Variants in NUP98 observed in about 807,000 individuals in gnomAD.
NUP98 encodes the protein nuclear pore complex protein Nup98-Nup96.
Under a neutral mutation model 191.9 loss-of-function variants are expected in NUP98, and 26 were observed. The observed-to-expected ratio is 0.14, with a 90% confidence interval of 0.10 to 0.19. The LOEUF (loss-of-function observed/expected upper bound fraction) is 0.19. Ranked by LOEUF, NUP98 falls within the 10% of genes least tolerant of loss-of-function variation. The pLI, the probability that NUP98 is intolerant of heterozygous loss-of-function variation, is 1.00. For missense variants in NUP98, 1,941 were observed against 2,178.8 expected, an observed-to-expected ratio of 0.89 and a Z score of 2.17; for synonymous variants, 808 against 778.4, an observed-to-expected ratio of 1.04 and a Z score of -0.63.
chr11:3,678,630 T>G (rs2133998372), intron 31 of NUP98, among the ~76,000 whole-genome samples: 1 of 152,284 alleles, frequency 6.6e-6, no homozygotes, highest in Non-Finnish European at 1.5e-5. Flanking sequence ...TAATATGGTT[T>G]GTTAGAAACA....
At chr11:3,768,314 G>A (rs61877632) in intron 8 of NUP98, among the ~76,000 whole-genome samples, 7,692 of 151,792 alleles carry the variant, frequency 0.051, 257 homozygotes, top group Middle Eastern at 0.099. Flanking sequence ...CCAGCTACTC[G>A]GGAGGCTGAG....
rs1310661916 is a variant in NUP98 at position 3,700,778 on chromosome 11, C to T, written c.3574G>A (p.Asp1192Asn). Residue 1192 changes from aspartate to asparagine, a missense_variant, in exon 24 of 33, where the codon GAT becomes AAT. Coordinates refer to ENST00000324932, the MANE Select transcript of NUP98 (RefSeq NM_016320.5). ...EKLSLRQRKP[D>N]EDMKLYQTPL... ...GTCTGATATAATTTCATGTCTTCATCTGGCTTTCTTTGTCTCAAACTGAGT... is the reference window on the plus strand; with the variant it reads ...GTCTGATATAATTTCATGTCTTCATTTGGCTTTCTTTGTCTCAAACTGAGT... 27 of 1,614,010 alleles carry T rather than the reference C, an allele frequency of 1.7e-5. No individual in the cohort carries two copies. The highest frequency in any genetic ancestry group is 2.3e-5 in the Non-Finnish European group (27 of 1,180,008).
At chr11:3,700,530 G>T in intron 24 of NUP98, 80 bp downstream of exon 24, 1 of 985,138 alleles carries the variant, frequency 1.0e-6, no homozygotes. Flanking sequence ...ACTGGTGCCA[G>T]GAAATTCATC....
At position 3,683,824 on chromosome 11, in the gene NUP98, C is replaced by T. The variant is rs76977365; in HGVS notation, c.4677-383G>A. The stretch of plus-strand genomic sequence containing the variant: ...AAGTGCCAGGATTACAGGCGTGAGC[C>T]ACCACACCTGGCCTAAACTATGGGT... On this transcript the variant is annotated intron_variant, in intron 29 of 32. Transcript: ENST00000324932. Among the ~76,000 whole-genome samples the T allele has an allele frequency of 5.9e-5, 9 of 152,038 alleles. No homozygotes were observed. In the East Asian group the frequency reaches 1.6e-3, roughly 26 times the overall value.
Position 3,749,667 on chromosome 11 carries a change from T to A in NUP98, c.1267+3649A>T, listed in dbSNP as rs117653709. Among the ~76,000 whole-genome samples, 117 of 151,656 alleles carry A rather than the reference T, an allele frequency of 7.7e-4. No homozygotes were observed. The East Asian group carries it at 0.018, about 23-fold the overall frequency. The stretch of plus-strand genomic sequence containing the variant: ...AATATAAATTAACAAGAATCTCAAG[T>A]TAGTGGTAGGTGCAGAAAAAAAGAA... On this transcript the variant is annotated intron_variant, in intron 11 of 32. Transcript: ENST00000324932.
At chr11:3,796,610 A>G (rs1258522870) in intron 1 of NUP98, among the ~76,000 whole-genome samples, 2 of 152,354 alleles carry the variant, frequency 1.3e-5, no homozygotes, top group African/African-American at 2.4e-5. Flanking sequence ...CCTAATGTCC[A>G]TGCCGCACCG....
chr11:3,699,071 G>A lies in NUP98; in HGVS notation c.4009+11C>T. ...ACAGAGGCGCAGAGAAGGACCATAT[G>A]CCTTCCCCACCTGACTGCTGGGCCA... On this transcript the variant is annotated intron_variant, in intron 25 of 32. Transcript: ENST00000324932. 2 of 1,611,810 alleles carry A rather than the reference G, an allele frequency of 1.2e-6. No homozygotes were observed. Among genetic ancestry groups the A allele is most frequent in the Non-Finnish European group, 8.5e-7 (1 of 1,179,616 alleles).
At chr11:3,725,043 G>T (rs2079562758) in intron 15 of NUP98, 60 bp downstream of exon 15, 3 of 730,380 alleles carry the variant, frequency 4.1e-6, no homozygotes, top group African/African-American at 1.8e-5. Flanking sequence ...TCCTAAGAAT[G>T]TCTTAAAAAT....
chr11:3,718,672 G>A (rs569538680), intron 18 of NUP98, among the ~76,000 whole-genome samples: 1 of 152,294 alleles, frequency 6.6e-6, no homozygotes, highest in African/African-American at 2.4e-5. Flanking sequence ...AGGTTATGAA[G>A]ATAAATAATT....
intron 31 of NUP98, among the ~76,000 whole-genome samples, chr11:3,678,671 C>T (rs1252283697): frequency 6.6e-6 from 1 of 152,082 alleles, no homozygotes; most frequent in Non-Finnish European, 1.5e-5. Context: ...GTACAGCAGG[C>T]TAGCAAGGCT....
At chr11:3,782,638 G>A (rs186701144) in intron 1 of NUP98, among the ~76,000 whole-genome samples, 2 of 140,316 alleles carry the variant, frequency 1.4e-5, no homozygotes, top group African/African-American at 5.3e-5. Flanking sequence ...CCTCCTCCTT[G>A]GTTCAAGTTA....
At chr11:3,684,682 G>T (rs1172240185) in intron 29 of NUP98, among the ~76,000 whole-genome samples, 1 of 142,592 alleles carries the variant, frequency 7.0e-6, no homozygotes, top group Non-Finnish European at 1.5e-5. Flanking sequence ...GTCTTAATAA[G>T]ACTATGCTAG....
chr11:3,760,580 G>C lies in NUP98; in HGVS notation c.1133C>G (p.Thr378Ser), dbSNP rs144324099. 2.7e-5 allele frequency: 44 copies of C among 1,613,726 alleles called. No individual in the cohort carries two copies. The highest frequency in any genetic ancestry group is 3.6e-5 in the Non-Finnish European group (42 of 1,179,786). ...GGTTGTACCAAATGAAGGTGCACTG[G>C]TTGTGCTGCTTCCAAATGTAGTAAG... ...NKLTTFGSST[T>S]SAPSFGTTSG... Residue 378 changes from threonine (T) to serine (S), a missense_variant, in exon 10 of 33, where the codon ACC becomes AGC. Thr to Ser is a moderately conservative substitution (Grantham distance 58). Transcript: ENST00000324932.
At chr11:3,683,973 C>T (rs1327019515) in intron 29 of NUP98, among the ~76,000 whole-genome samples, 2 of 149,024 alleles carry the variant, frequency 1.3e-5, no homozygotes, top group East Asian at 2.0e-4. Flanking sequence ...TTTGGGAGGT[C>T]AAGGTGGGTG....
intron 1 of NUP98, among the ~76,000 whole-genome samples, chr11:3,792,547 G>C (rs757464297): frequency 6.6e-5 from 10 of 151,842 alleles, no homozygotes; most frequent in Non-Finnish European, 1.3e-4. Context: ...GAATGCAGAG[G>C]TTACAGTGAG....
At position 3,723,312 on chromosome 11, in the gene NUP98, C is replaced by T; in HGVS notation, c.1991G>A (p.Ser664Asn). 1.2e-6 allele frequency: 2 copies of T among 1,614,104 alleles called. No individual in the cohort carries two copies. Among genetic ancestry groups the T allele is most frequent in the Non-Finnish European group, 8.5e-7 (1 of 1,180,028 alleles). Residue 664 changes from serine to asparagine, a missense_variant, in exon 16 of 33, where the codon AGC becomes AAC. By Grantham distance (46) the Ser-to-Asn change is conservative (BLOSUM62 1). Around this residue, in one of 6 missense-constraint regions of NUP98, gnomAD observed 453 missense variants for 438.2 expected, o/e 1.03. Transcript: ENST00000324932. Reference protein sequence around the residue: ...PESAGNKHSNSNSVDDTIVAL... With the variant: ...PESAGNKHSNNNSVDDTIVAL... ...AACAATGGTATCATCCACACTGTTG[C>T]TGTTGCTGTGTTTATTTCCAGCACT...
chr11:3,682,509 A>G (rs1333327467), intron 30 of NUP98, among the ~76,000 whole-genome samples: 1 of 152,200 alleles, frequency 6.6e-6, no homozygotes, highest in Non-Finnish European at 1.5e-5. Flanking sequence ...AGGAAATAGG[A>G]AGGCCCAAAG....
chr11:3,768,809 A>C, intron 7 of NUP98, 65 bp from the exon 8 acceptor site: 1 of 1,248,734 alleles, frequency 8.0e-7, no homozygotes, highest in African/African-American at 1.5e-5. Flanking sequence ...ACCCAAAAAT[A>C]CAAAACCTTC....
chr11:3,770,922 G>A (rs2081510769), intron 7 of NUP98, among the ~76,000 whole-genome samples: 1 of 152,004 alleles, frequency 6.6e-6, no homozygotes. Context: ...GAGTGCAATG[G>A]TGTGATCTCA....
Sources: gnomAD v4.1 joint callset for allele counts (sites outside exome capture counted in the v4.1 genomes callset) on GRCh38, gnomAD v4.1.1 for gene constraint, gnomAD v4.1.1 regional missense constraint, MANE v1.5 for transcripts, NCBI Gene and HGNC (gene_info 2026-07-23, HGNC 2026-07-21) for gene names.